GRM8: variants seen among roughly 807,000 people sequenced by gnomAD.
The protein encoded by GRM8 is glutamate metabotropic receptor 8.
Under a neutral mutation model 87.2 loss-of-function variants are expected in GRM8, and 47 were observed. The ratio of observed to expected loss-of-function variants is 0.54; its 90% CI spans 0.43 to 0.69. GRM8 has a LOEUF of 0.69. Ranked by LOEUF, GRM8 falls within the 30% of genes least tolerant of loss-of-function variation. The pLI, the probability that GRM8 is intolerant of heterozygous loss-of-function variation, is 0.00. For synonymous variants in GRM8, 396 were observed against 404.5 expected, an observed-to-expected ratio of 0.98 and a Z score of 0.25; for missense variants, 1,019 against 1,139.2, an observed-to-expected ratio of 0.89 and a Z score of 1.52.
At position 126,685,448 on chromosome 7, in the gene GRM8, A is replaced by G. The variant is rs1021899525; in HGVS notation, c.1358-75950T>C. On this transcript the variant is annotated intron_variant, in intron 7 of 10. Coordinates refer to ENST00000339582, the MANE Select transcript of GRM8 (RefSeq NM_000845.3). The surrounding 1 kb of genome is among the most constrained non-coding windows in gnomAD (Gnocchi z 4.2). Reference sequence around the variant, plus strand: ...GGTGCAGCTGCAGCTGCTCTGCCCCATCTCTGGACCCAGGCATCTCTGTGT... The same window carrying G: ...GGTGCAGCTGCAGCTGCTCTGCCCCGTCTCTGGACCCAGGCATCTCTGTGT... Among the ~76,000 whole-genome samples, 2 of 152,038 alleles carry G rather than the reference A, an allele frequency of 1.3e-5. No individual in the cohort carries two copies. Among genetic ancestry groups the G allele is most frequent in the African/African-American group, 4.8e-5 (2 of 41,414 alleles).
chr7:126,492,675 C>A (rs901513527), intron 9 of GRM8, among the ~76,000 whole-genome samples: 1 of 151,978 alleles, frequency 6.6e-6, no homozygotes, highest in Non-Finnish European at 1.5e-5. Flanking sequence ...TAAGATTCAA[C>A]CCATATTTTG....
At chr7:126,568,137 G>A (rs529768573) in intron 8 of GRM8, among the ~76,000 whole-genome samples, 1 of 152,128 alleles carries the variant, frequency 6.6e-6, no homozygotes, top group Admixed American at 6.6e-5. Context: ...TTTAGTGAGG[G>A]GCTCAAAGTT....
At chr7:126,850,846 CA>C (rs1563248641) in intron 6 of GRM8, among the ~76,000 whole-genome samples, 1 of 152,150 alleles carries the variant, frequency 6.6e-6, no homozygotes, top group Non-Finnish European at 1.5e-5. Context: ...TTATGGGCAA[CA>C]GGGGAACACC....
rs1311029306 is a variant in GRM8 at position 126,478,625 on chromosome 7, TA to T, written c.2431-32254del. ...AAAAAATGATTTCTCTTAGAAGCTA[TA>T]AAATTGTCTTCAAAGTAGCCAAATG... On this transcript the variant is annotated intron_variant, in intron 9 of 10. Transcript: ENST00000339582. 2.0e-5 allele frequency among the ~76,000 whole-genome samples: 3 copies of T among 152,268 alleles called. No homozygotes were observed. The East Asian group carries it at 5.8e-4, about 29-fold the overall frequency.
At chr7:126,721,421 C>A (rs979786634) in intron 7 of GRM8, among the ~76,000 whole-genome samples, 6 of 152,056 alleles carry the variant, frequency 3.9e-5, no homozygotes, top group African/African-American at 1.4e-4. Flanking sequence ...TATAATAATA[C>A]ATGCATCTAA....
At chr7:127,162,541 T>A (rs1392227565) in intron 2 of GRM8, among the ~76,000 whole-genome samples, 1 of 152,170 alleles carries the variant, frequency 6.6e-6, no homozygotes, top group Non-Finnish European at 1.5e-5. Context: ...TATAAGGATC[T>A]CCCCTTCTCT....
rs1336515539 is a variant in GRM8 at position 126,851,712 on chromosome 7, C to A, written c.1156+50830G>T. On this transcript the variant is annotated intron_variant, in intron 6 of 10. Transcript: ENST00000339582. ...CCATGTATTCCTTCCTCCATTCCCCCAGGGTTTTACTCCAATGTCATCTCA... is the reference window on the plus strand; with the variant it reads ...CCATGTATTCCTTCCTCCATTCCCCAAGGGTTTTACTCCAATGTCATCTCA... Among the ~76,000 whole-genome samples, 2 of 152,128 alleles carry A rather than the reference C, an allele frequency of 1.3e-5. 1 individual carries two copies. Among genetic ancestry groups the A allele is most frequent in the Non-Finnish European group, 2.9e-5 (2 of 68,002 alleles).
intron 7 of GRM8, among the ~76,000 whole-genome samples, chr7:126,624,323 G>A (rs1209598671): frequency 1.3e-5 from 2 of 152,066 alleles, no homozygotes; most frequent in African/African-American, 2.4e-5. Flanking sequence ...CATGAAGGTT[G>A]CTCTCTCTCA....
In GRM8 at chr7:127,247,608, G is replaced by A. The variant is rs1204082195; in HGVS notation, c.-311-4093C>T. On this transcript the variant is annotated intron_variant, in intron 1 of 10. Transcript: ENST00000339582. ...TCTTGGTGGGGCAGAGTGAGGATGG[G>A]GCAGACAGAGCTCTCCCTTGGCAAC... Among the ~76,000 whole-genome samples the A allele has an allele frequency of 2.6e-5, 4 of 152,124 alleles. No individual in the cohort carries two copies. The East Asian group carries it at 7.7e-4, about 29-fold the overall frequency.
At chr7:126,524,573 TG>T (rs1397019834) in intron 9 of GRM8, among the ~76,000 whole-genome samples, 1 of 152,198 alleles carries the variant, frequency 6.6e-6, no homozygotes, top group East Asian at 1.9e-4. Flanking sequence ...CCTTCTGTTT[TG>T]TTTTTGTATT....
intron 6 of GRM8, among the ~76,000 whole-genome samples, chr7:126,794,464 ATT>A (rs1298801305): frequency 6.6e-6 from 1 of 152,142 alleles, no homozygotes; most frequent in Non-Finnish European, 1.5e-5. Flanking sequence ...AATGTATTTT[ATT>A]TGCTACCTAA....
intron 7 of GRM8, 114 bp downstream of exon 7, chr7:126,769,751 A>G: frequency 3.0e-6 from 2 of 658,286 alleles, no homozygotes; most frequent in Non-Finnish European, 5.4e-6. Flanking sequence ...ATCAAAGAAG[A>G]GAACTGCTTC....
chr7:126,938,831 T>A (rs1806600464), intron 3 of GRM8, among the ~76,000 whole-genome samples: 1 of 152,120 alleles, frequency 6.6e-6, no homozygotes, highest in Non-Finnish European at 1.5e-5. Context: ...GAAAATAAAA[T>A]CACATAGTAT....
chr7:127,044,766 A>T (rs1390677273), intron 3 of GRM8, among the ~76,000 whole-genome samples: 1 of 152,216 alleles, frequency 6.6e-6, no homozygotes, highest in African/African-American at 2.4e-5. Context: ...GCAACGGCTA[A>T]CATACACTGA....
chr7:126,856,843 C>T (rs1050584183), intron 6 of GRM8, among the ~76,000 whole-genome samples: 22 of 152,190 alleles, frequency 1.4e-4, no homozygotes, highest in Admixed American at 7.2e-4. Context: ...CTGGAAGATT[C>T]GTGCATTCTT....
intron 9 of GRM8, among the ~76,000 whole-genome samples, chr7:126,528,626 G>GTGTGTGTGTGTC (rs1255766209): frequency 6.6e-6 from 1 of 151,792 alleles, no homozygotes; most frequent in Non-Finnish European, 1.5e-5. Context: ...GTGTGTGTGT[G>GTGTGTGTGTGTC]TGTGTGTGTG....
intron 2 of GRM8, among the ~76,000 whole-genome samples, chr7:127,155,921 C>G (rs1480824201): frequency 6.6e-6 from 1 of 152,132 alleles, no homozygotes; most frequent in Non-Finnish European, 1.5e-5. Flanking sequence ...AAACTTGTGG[C>G]TCAGCACAGG....
At chr7:127,216,546 AAAG>A (rs1327526724) in intron 2 of GRM8, among the ~76,000 whole-genome samples, 5 of 151,590 alleles carry the variant, frequency 3.3e-5, no homozygotes, top group African/African-American at 4.8e-5. Flanking sequence ...AAAAAAAAAA[AAAG>A]AAGAAGCTGA....
At chr7:127,242,231 A>C (rs1053840023) in intron 2 of GRM8, among the ~76,000 whole-genome samples, 9 of 152,336 alleles carry the variant, frequency 5.9e-5, no homozygotes, top group Admixed American at 4.6e-4. Flanking sequence ...CATTAGTAAT[A>C]AATACTGTTT....
Sources: allele counts gnomAD v4.1 joint callset (sites outside exome capture counted in the v4.1 genomes callset), GRCh38; gene constraint gnomAD v4.1.1; non-coding constraint Gnocchi (gnomAD v3.1); transcripts MANE v1.5; gene names NCBI Gene and HGNC (gene_info 2026-07-23, HGNC 2026-07-21).